Variants in SMOC2 observed in about 807,000 individuals in gnomAD.
SMOC2 encodes the protein SPARC related modular calcium binding 2.
A neutral mutation model predicts 61.4 loss-of-function variants in SMOC2; 39 were observed. The ratio of observed to expected loss-of-function variants is 0.64; its 90% CI spans 0.49 to 0.83. The LOEUF (loss-of-function observed/expected upper bound fraction) is 0.83, where lower values mean the gene tolerates loss of function less well. Ranked by LOEUF, SMOC2 falls within the 40% of genes least tolerant of loss-of-function variation. The pLI, the probability that SMOC2 is intolerant of heterozygous loss-of-function variation, is 0.00. For missense variants in SMOC2, 556 were observed against 592.9 expected (o/e 0.94, Z 0.65); for synonymous variants, 247 against 239.9 (o/e 1.03, Z -0.27).
At chr6:168,484,454 A>C (rs1782283733) in intron 1 of SMOC2, among the ~76,000 whole-genome samples, 1 of 152,218 alleles carries the variant, frequency 6.6e-6, no homozygotes, top group Admixed American at 6.5e-5. Flanking sequence ...AATGTTAGCA[A>C]GGATGTGGAG....
chr6:168,491,008 G>A (rs1331837550), intron 1 of SMOC2, among the ~76,000 whole-genome samples: 1 of 152,004 alleles, frequency 6.6e-6, no homozygotes, highest in Non-Finnish European at 1.5e-5. Context: ...CTGATGGCAG[G>A]AAATATTTCT....
rs145504409 is a variant in SMOC2 at position 168,606,236 on chromosome 6, G to A, written c.825-1921G>A. Among the ~76,000 whole-genome samples, 576 of 152,228 alleles carry A rather than the reference G, an allele frequency of 3.8e-3. 6 individuals are homozygous for A. Among genetic ancestry groups the A allele is most frequent in the African/African-American group, 0.013 (527 of 41,524 alleles). ...GGGTAACAGGTCCTTTACTGAGTTC[G>A]CCTTTCTTGTGACCTCTTGGAGCTG... On this transcript the variant is annotated intron_variant, in intron 8 of 12. Coordinates refer to ENST00000356284, the MANE Select transcript of SMOC2 (RefSeq NM_001166412.2).
chr6:168,664,692 CAT>C (rs766215083), intron 12 of SMOC2: 7 of 470,732 alleles, frequency 1.5e-5, no homozygotes, highest in East Asian at 6.9e-5. Context: ...TGTTCACAAA[CAT>C]GTGTTGTGTT....
intron 1 of SMOC2, among the ~76,000 whole-genome samples, chr6:168,478,205 C>T (rs990619013): frequency 2.6e-5 from 4 of 152,098 alleles, no homozygotes; most frequent in African/African-American, 9.7e-5. Context: ...CCTTAAAGAC[C>T]TAAAGTCCTC....
At chr6:168,523,113 G>A (rs866402471) in intron 2 of SMOC2, among the ~76,000 whole-genome samples, 5 of 52,574 alleles carry the variant, frequency 9.5e-5, no homozygotes, top group Non-Finnish European at 1.2e-4. Context: ...ACGGAGTCTC[G>A]CTCTGTCGCC....
chr6:168,443,223 G>T (rs1345962010), intron 1 of SMOC2, among the ~76,000 whole-genome samples: 1 of 152,148 alleles, frequency 6.6e-6, no homozygotes, highest in Admixed American at 6.5e-5. Flanking sequence ...GGTGGGGTTG[G>T]GCCTGTTGGT....
intron 1 of SMOC2, among the ~76,000 whole-genome samples, chr6:168,472,906 T>C (rs527454833): frequency 6.6e-6 from 1 of 152,254 alleles, no homozygotes; most frequent in African/African-American, 2.4e-5. Flanking sequence ...TCCCACACTG[T>C]TTGGTGCTCA....
intron 1 of SMOC2, among the ~76,000 whole-genome samples, chr6:168,449,037 G>C (rs1481451062): frequency 6.6e-6 from 1 of 152,056 alleles, no homozygotes; most frequent in Non-Finnish European, 1.5e-5. Flanking sequence ...CTAATTACCT[G>C]GTTTTTTCTT....
intron 1 of SMOC2, among the ~76,000 whole-genome samples, chr6:168,451,308 C>T (rs767376637): frequency 2.0e-5 from 3 of 152,212 alleles, no homozygotes; most frequent in Admixed American, 6.5e-5. Flanking sequence ...TTGTGAAGAA[C>T]GTTGTCCCAT....
chr6:168,660,770 A>G (rs901059946), intron 11 of SMOC2, among the ~76,000 whole-genome samples: 1 of 152,354 alleles, frequency 6.6e-6, no homozygotes, highest in South Asian at 2.1e-4. Flanking sequence ...CCCGAGCCGC[A>G]GTGTGGGGCA....
intron 1 of SMOC2, among the ~76,000 whole-genome samples, chr6:168,478,486 G>A (rs1021193712): frequency 6.6e-6 from 1 of 152,094 alleles, no homozygotes; most frequent in African/African-American, 2.4e-5. Context: ...AGTAAAGTAA[G>A]TATTCATTAA....
chr6:168,574,836 T>G (rs546265827), intron 7 of SMOC2, among the ~76,000 whole-genome samples: 1 of 152,214 alleles, frequency 6.6e-6, no homozygotes, highest in African/African-American at 2.4e-5. Flanking sequence ...AAAGCACCAC[T>G]TAGGCACAGA....
intron 1 of SMOC2, among the ~76,000 whole-genome samples, chr6:168,469,798 C>T (rs1781931270): frequency 6.6e-6 from 1 of 152,212 alleles, no homozygotes; most frequent in African/African-American, 2.4e-5. Flanking sequence ...CTCACCGCTG[C>T]AGCCTCGTTA....
At chr6:168,444,691 C>G (rs534910710) in intron 1 of SMOC2, among the ~76,000 whole-genome samples, 113 of 152,268 alleles carry the variant, frequency 7.4e-4, no homozygotes, top group African/African-American at 2.6e-3. Context: ...CTTTTTATTT[C>G]TGTGAATGAC....
At chr6:168,583,789 G>A (rs147123980) in intron 7 of SMOC2, among the ~76,000 whole-genome samples, 3,181 of 152,314 alleles carry the variant, frequency 0.021, 58 homozygotes, top group Non-Finnish European at 0.035. Flanking sequence ...TTGGCAATAC[G>A]GAGAGAGTGG....
At chr6:168,580,663 T>C (rs1230337237) in intron 7 of SMOC2, among the ~76,000 whole-genome samples, 1 of 152,162 alleles carries the variant, frequency 6.6e-6, no homozygotes, top group Non-Finnish European at 1.5e-5. Flanking sequence ...CACCTCAGCC[T>C]CCTGAGTAGC....
At chr6:168,511,246 C>A (rs534383326) in intron 2 of SMOC2, among the ~76,000 whole-genome samples, 20 of 152,282 alleles carry the variant, frequency 1.3e-4, no homozygotes, top group African/African-American at 4.3e-4. Flanking sequence ...TAAAGACATA[C>A]CCAAGACCGG....
chr6:168,649,949 T>C (rs1188712450), intron 9 of SMOC2, among the ~76,000 whole-genome samples: 2 of 152,106 alleles, frequency 1.3e-5, no homozygotes, highest in Admixed American at 6.5e-5. Flanking sequence ...AAATGTTATC[T>C]TGAATTTGGG....
intron 9 of SMOC2, among the ~76,000 whole-genome samples, chr6:168,648,217 A>C (rs1787095583): frequency 6.6e-6 from 1 of 152,228 alleles, no homozygotes; most frequent in Non-Finnish European, 1.5e-5. Context: ...TTCCTCTCAG[A>C]ATCTCTGGAG....
Sources: gnomAD v4.1 joint callset for allele counts (sites outside exome capture counted in the v4.1 genomes callset) on GRCh38, gnomAD v4.1.1 for gene constraint, MANE v1.5 for transcripts, NCBI Gene and HGNC (gene_info 2026-07-23, HGNC 2026-07-21) for gene names.